Variants in DAPP1 observed in about 807,000 individuals in gnomAD.
The protein encoded by DAPP1 is dual adapter for phosphotyrosine and 3-phosphotyrosine and 3-phosphoinositide.
Under a neutral mutation model 41.5 loss-of-function variants are expected in DAPP1, and 20 were observed. The ratio of observed to expected loss-of-function variants is 0.48; its 90% CI spans 0.34 to 0.70. DAPP1 has a LOEUF of 0.70. DAPP1 is among the 30% of genes least tolerant of loss of function. The pLI, the probability that DAPP1 is intolerant of heterozygous loss-of-function variation, is 0.01. For missense variants in DAPP1, 233 were observed against 333.4 expected (o/e 0.70, Z 2.35); for synonymous variants, 113 against 116.2 (o/e 0.97, Z 0.18).
intron 4 of DAPP1, among the ~76,000 whole-genome samples, chr4:99,857,191 A>G (rs1460318809): frequency 6.6e-6 from 1 of 152,104 alleles, no homozygotes; most frequent in Non-Finnish European, 1.5e-5. Flanking sequence ...TTACCTTCTG[A>G]GCTTGTTTAA....
At chr4:99,828,868 C>G (rs1487996271) in intron 1 of DAPP1, among the ~76,000 whole-genome samples, 1 of 152,140 alleles carries the variant, frequency 6.6e-6, no homozygotes, top group Non-Finnish European at 1.5e-5. Context: ...TCTCTGTTGA[C>G]TTTATCAGAC....
intron 4 of DAPP1, among the ~76,000 whole-genome samples, chr4:99,853,661 TA>T (rs1276800319): frequency 6.6e-6 from 1 of 151,938 alleles, no homozygotes; most frequent in Non-Finnish European, 1.5e-5. Context: ...CAACAAACTT[TA>T]AAAAATATTA....
chr4:99,824,690 G>C (rs758086839), intron 1 of DAPP1, among the ~76,000 whole-genome samples: 5 of 152,178 alleles, frequency 3.3e-5, no homozygotes, highest in Non-Finnish European at 7.3e-5. Flanking sequence ...TGAGGGATAA[G>C]TTACAAGAGT....
chr4:99,844,883 T>A (rs1723615014), intron 3 of DAPP1, among the ~76,000 whole-genome samples: 1 of 152,252 alleles, frequency 6.6e-6, no homozygotes. Context: ...TTAAATAATG[T>A]GGTTAAAATT....
intron 1 of DAPP1, among the ~76,000 whole-genome samples, chr4:99,834,101 A>T (rs997145173): frequency 4.6e-5 from 7 of 152,164 alleles, no homozygotes; most frequent in African/African-American, 1.7e-4. Flanking sequence ...TAATCATCAC[A>T]TTTCATGCCT....
rs761887882 is a variant in DAPP1, at chr4:99,853,247, C to G, written c.388C>G (p.Pro130Ala). The change falls in exon 4 of 9, where the codon CCA (proline) becomes GCA (alanine). Residue 130 changes from proline to alanine, a missense_variant. Pro to Ala is a conservative substitution (Grantham distance 27). Transcript: ENST00000512369. ...GTLMVLKHPY[P>A]RKVEEPSIYE... The stretch of plus-strand genomic sequence containing the variant: ...TCTGATGGTTCTAAAACATCCCTAC[C>G]CAAGAAAAGTGGAAGAACCCTCCAT... 1.9e-6 allele frequency: 3 copies of G among 1,613,848 alleles called. No homozygotes were observed. The highest frequency in any genetic ancestry group is 3.3e-5 in the Admixed American group (2 of 60,008).
rs75867154 is a variant in DAPP1 at position 99,856,314 on chromosome 4, G to A, written c.489+2966G>A. Reference sequence around the variant, plus strand: ...AGAGGGAAGCAAGGGAGGCCTCTGTGAGGAGGAACCATTAGTAAGAGATTT... The same window carrying A: ...AGAGGGAAGCAAGGGAGGCCTCTGTAAGGAGGAACCATTAGTAAGAGATTT... On this transcript the variant is annotated intron_variant, in intron 4 of 8. Transcript: ENST00000512369. 4.7e-3 allele frequency among the ~76,000 whole-genome samples: 712 copies of A among 152,316 alleles called. 48 individuals carry two copies. The East Asian group carries it at 0.12, about 26-fold the overall frequency.
In DAPP1 at chr4:99,861,529, C is replaced by T. The variant is rs1253308823; in HGVS notation, c.490-49C>T. 3.5e-5 allele frequency: 54 copies of T among 1,526,444 alleles called. 1 individual carries two copies. The highest frequency in any genetic ancestry group is 1.7e-4 in the Middle Eastern group (1 of 5,952). The allele number at this position is 1,526,444 out of a possible 1,614,324, so 94.6% of individuals were successfully genotyped here. A position where few individuals can be genotyped will look rare whatever the true frequency, so the allele number is the denominator to read the frequency against. ...AATAGGACATGAAAGGAAGGACAAA[C>T]GTCCTGTTGTGACAGTTCTGGTCTT... On this transcript the variant is annotated intron_variant, in intron 4 of 8. Transcript: ENST00000512369.
chr4:99,831,407 C>T (rs1250571965), intron 1 of DAPP1, among the ~76,000 whole-genome samples: 1 of 151,912 alleles, frequency 6.6e-6, no homozygotes, highest in Non-Finnish European at 1.5e-5. Context: ...ACCCCGACTC[C>T]CTGCCCTCAT....
intron 3 of DAPP1, among the ~76,000 whole-genome samples, chr4:99,845,754 T>A (rs1020649431): frequency 1.1e-4 from 16 of 152,226 alleles, no homozygotes; most frequent in Non-Finnish European, 1.8e-4. Context: ...GAGGAAACTT[T>A]AAAACATAAA....
At chr4:99,860,953 G>C (rs1724217071) in intron 4 of DAPP1, among the ~76,000 whole-genome samples, 2 of 152,196 alleles carry the variant, frequency 1.3e-5, no homozygotes, top group African/African-American at 4.8e-5. Flanking sequence ...ATGACAACAT[G>C]AGTTAAAAGA....
intron 1 of DAPP1, among the ~76,000 whole-genome samples, chr4:99,826,705 A>G (rs913789882): frequency 1.3e-5 from 2 of 152,202 alleles, no homozygotes; most frequent in African/African-American, 2.4e-5. Flanking sequence ...GCCCATGCAC[A>G]CCAAGCCCAT....
intron 3 of DAPP1, among the ~76,000 whole-genome samples, chr4:99,842,852 C>CT (rs1297681743): frequency 0.011 from 1,472 of 137,596 alleles, 17 homozygotes; most frequent in African/African-American, 0.027. Flanking sequence ...ATATTTCTTT[C>CT]TTTTTTTTTT....
intron 4 of DAPP1, among the ~76,000 whole-genome samples, chr4:99,853,933 A>T (rs1723956818): frequency 6.6e-6 from 1 of 152,222 alleles, no homozygotes; most frequent in Non-Finnish European, 1.5e-5. Context: ...TGGAAAAGAG[A>T]AGTTTGCATT....
chr4:99,849,059 A>G (rs1275517676), intron 3 of DAPP1, among the ~76,000 whole-genome samples: 1 of 152,178 alleles, frequency 6.6e-6, no homozygotes, highest in Non-Finnish European at 1.5e-5. Flanking sequence ...TTATCAGTAT[A>G]AGTTGCCGTT....
chr4:99,837,592 A>C (rs919856585), intron 2 of DAPP1, among the ~76,000 whole-genome samples: 76 of 152,184 alleles, frequency 5.0e-4, no homozygotes, highest in African/African-American at 1.7e-3. Flanking sequence ...CTCAACAGCA[A>C]ATGTTAAAAG....
chr4:99,853,119 A>C, intron 3 of DAPP1, 99 bp from the exon 4 acceptor site: 2 of 1,428,506 alleles, frequency 1.4e-6, no homozygotes, highest in Admixed American at 4.5e-5. Context: ...TACATGAAAA[A>C]AACAAAAGAC....
Position 99,868,443 on chromosome 4 carries a change from G to A in DAPP1, c.*258G>A. 2.0e-6 allele frequency: 1 copy of A among 488,882 alleles called. No homozygotes were observed. Among genetic ancestry groups the A allele is most frequent in the Non-Finnish European group, 3.7e-6 (1 of 268,764 alleles). 30.3% of individuals were successfully genotyped at this position (488,882 alleles called of 1,614,324 possible). A position where few individuals can be genotyped will look rare whatever the true frequency, so the allele number is the denominator to read the frequency against. ...TGCTTAAACCACCACTCTTAGGTCT[G>A]CTCACTCTTAGAACACACAATGGAA... On this transcript the variant is annotated 3_prime_UTR_variant, in exon 9 of 9. Coordinates refer to ENST00000512369, the MANE Select transcript of DAPP1 (RefSeq NM_014395.3).
intron 3 of DAPP1, among the ~76,000 whole-genome samples, chr4:99,843,803 T>C (rs1449971543): frequency 1.3e-5 from 2 of 152,248 alleles, no homozygotes; most frequent in Non-Finnish European, 1.5e-5. Context: ...GGGACTTTTG[T>C]CAGCTTTGCT....
Sources: allele counts gnomAD v4.1 joint callset (sites outside exome capture counted in the v4.1 genomes callset), GRCh38; gene constraint gnomAD v4.1.1; transcripts MANE v1.5; gene names NCBI Gene and HGNC (gene_info 2026-07-23, HGNC 2026-07-21).